NR2F6: variants seen among roughly 807,000 people sequenced by gnomAD.
The protein encoded by NR2F6 is nuclear receptor subfamily 2 group F member 6.
NR2F6 carries 16 observed loss-of-function variants against 26.5 expected under a neutral mutation model. The observed-to-expected ratio is 0.60, with a 90% CI of 0.41 to 0.92. The LOEUF (loss-of-function observed/expected upper bound fraction) is 0.92, where lower values mean the gene tolerates loss of function less well. Among genes scored for constraint, NR2F6 ranks in the 40% least tolerant of loss-of-function variants. The probability of loss-of-function intolerance (pLI) is 0.00; values close to 1 mark genes in which losing one functional copy is unlikely to be tolerated. For synonymous variants in NR2F6, 325 were observed against 305.0 expected (o/e 1.07, Z -0.68); for missense variants, 536 against 631.7 (o/e 0.85, Z 1.62).
chr19:17,236,074 G>C lies in NR2F6; in HGVS notation c.374-9C>G, dbSNP rs1415782705. The C allele has an allele frequency of 4.7e-5, 58 of 1,245,312 alleles. No homozygotes were observed. The highest frequency in any genetic ancestry group is 6.7e-5 in the African/African-American group (4 of 59,490). 77.1% of individuals were successfully genotyped at this position (1,245,312 alleles called of 1,614,324 possible). A position where few individuals can be genotyped will look rare whatever the true frequency, so the allele number is the denominator to read the frequency against. On this transcript the variant is annotated splice_polypyrimidine_tract_variant and intron_variant, in intron 2 of 3. Transcript: ENST00000291442. ...GCGGCCGCGCTGCACCGCTGCGGGA[G>C]GCGGGGACAGGAGGGACATGGGGGC...
chr19:17,234,188 A>G (rs575709555), intron 3 of NR2F6, among the ~76,000 whole-genome samples: 2 of 149,624 alleles, frequency 1.3e-5, no homozygotes, highest in African/African-American at 4.9e-5. Context: ...GTGCTACTGC[A>G]CTCCAGCCTG....
At chr19:17,238,095 G>A (rs180796066) in intron 2 of NR2F6, among the ~76,000 whole-genome samples, 264 of 152,154 alleles carry the variant, frequency 1.7e-3, no homozygotes, top group African/African-American at 5.1e-3. Context: ...AGCTATGATC[G>A]CACCACTGCA....
chr19:17,235,435 C>A lies in NR2F6; in HGVS notation c.940+64G>T. ...ATGGGGGCCGGAGTCTGGGTCCAGG[C>A]CGCCCTCCTCCTAACCTCCCTTGGG... On this transcript the variant is annotated intron_variant, in intron 3 of 3. Coordinates refer to ENST00000291442, the MANE Select transcript of NR2F6 (RefSeq NM_005234.4). The surrounding 1 kb of genome is among the most constrained non-coding windows in gnomAD (Gnocchi z 5.0). 7 of 1,524,818 alleles carry A rather than the reference C, an allele frequency of 4.6e-6. No homozygotes were observed. The highest frequency in any genetic ancestry group is 6.1e-6 in the Non-Finnish European group (7 of 1,142,130). The allele number at this position is 1,524,818 out of a possible 1,614,324, so 94.5% of individuals were successfully genotyped here.
intron 3 of NR2F6, among the ~76,000 whole-genome samples, chr19:17,233,079 G>A (rs565448882): frequency 3.8e-4 from 58 of 152,182 alleles, no homozygotes; most frequent in African/African-American, 1.2e-3. Context: ...CCTGGGAGGC[G>A]GAGGTTGCAG....
At chr19:17,233,226 AG>A (rs2073417488) in intron 3 of NR2F6, among the ~76,000 whole-genome samples, 1 of 151,950 alleles carries the variant, frequency 6.6e-6, no homozygotes, top group Non-Finnish European at 1.5e-5. Flanking sequence ...CTGAGGTGGG[AG>A]GATCTCTTGA....
chr19:17,243,717 C>T (rs1463653590), intron 1 of NR2F6, among the ~76,000 whole-genome samples: 3 of 152,332 alleles, frequency 2.0e-5, no homozygotes, highest in Middle Eastern at 6.8e-3. Context: ...CCCTCGGGTA[C>T]CTGGGGCCCT....
intron 3 of NR2F6, among the ~76,000 whole-genome samples, chr19:17,233,500 G>A (rs568058853): frequency 1.3e-5 from 2 of 152,144 alleles, no homozygotes; most frequent in Admixed American, 1.3e-4. Flanking sequence ...CAGGGAGACA[G>A]GTTCTAATTT....
Position 17,235,467 on chromosome 19 carries a change from C to T in NR2F6, c.940+32G>A. 1.3e-6 allele frequency: 2 copies of T among 1,549,522 alleles called. No individual in the cohort carries two copies. Among genetic ancestry groups the T allele is most frequent in the Non-Finnish European group, 1.7e-6 (2 of 1,153,824 alleles). On this transcript the variant is annotated intron_variant, in intron 3 of 3. Coordinates refer to ENST00000291442, the MANE Select transcript of NR2F6 (RefSeq NM_005234.4). The surrounding 1 kb of genome is among the most constrained non-coding windows in gnomAD (Gnocchi z 5.0). Reference sequence around the variant, plus strand: ...CCTCCTAACCTCCCTTGGGTCCCCCCATCCCGCGGCCCTCTTCGGAGCGTG... The same window carrying T: ...CCTCCTAACCTCCCTTGGGTCCCCCTATCCCGCGGCCCTCTTCGGAGCGTG...
At chr19:17,243,173 C>T (rs1415478124) in intron 1 of NR2F6, among the ~76,000 whole-genome samples, 1 of 152,198 alleles carries the variant, frequency 6.6e-6, no homozygotes, top group Non-Finnish European at 1.5e-5. Context: ...CTCATGTCCC[C>T]TAGCCTCCTC....
intron 2 of NR2F6, among the ~76,000 whole-genome samples, chr19:17,239,776 A>G (rs2073459512): frequency 6.6e-6 from 1 of 151,990 alleles, no homozygotes. Context: ...CTGAGATCAC[A>G]CCACTGCACT....
chr19:17,234,254 CAATA>C (rs1305441823), intron 3 of NR2F6, among the ~76,000 whole-genome samples: 3 of 150,520 alleles, frequency 2.0e-5, no homozygotes, highest in Non-Finnish European at 3.0e-5. Flanking sequence ...TCTGGGAAAA[CAATA>C]AATAAAGCCA....
At chr19:17,240,789 C>A in intron 1 of NR2F6, 24 bp from the exon 2 acceptor site, 1 of 1,610,052 alleles carries the variant, frequency 6.2e-7, no homozygotes, top group East Asian at 2.2e-5. Context: ...GAAGCCAGGG[C>A]TCCCTGAGAC....
rs773194784 is a variant in NR2F6, at chr19:17,235,589, C to T, written c.850G>A (p.Ala284Thr). The change falls in exon 3 of 4, where the codon GCC becomes ACC. Residue 284 changes from alanine to threonine, a missense_variant. By Grantham distance (58) the Ala-to-Thr change is moderately conservative (BLOSUM62 0). Transcript: ENST00000291442. This position sits in a 1 kb window ranked among gnomAD's most constrained non-coding sequence, Gnocchi z 5.0. ...AGCTTGTCCACCTGCTCCTGGAAGG[C>T]GCGCACCTGGTCCATGAAAGCCACG... ...RAVAFMDQVR[A>T]FQEQVDKLGR... is the part of the protein sequence containing the mutation. 2.5e-6 allele frequency: 4 copies of T among 1,586,862 alleles called. No individual in the cohort carries two copies. Among genetic ancestry groups the T allele is most frequent in the African/African-American group, 1.3e-5 (1 of 74,432 alleles).
intron 1 of NR2F6, among the ~76,000 whole-genome samples, chr19:17,243,053 C>T (rs191990253): frequency 3.6e-3 from 555 of 152,308 alleles, no homozygotes; most frequent in Non-Finnish European, 6.8e-3. Context: ...GCTGCACAGT[C>T]CCCCTCTTAC....
At position 17,240,696 on chromosome 19, in the gene NR2F6, G is replaced by A; in HGVS notation, c.348C>T (p.Cys116=). The change falls in exon 2 of 4, where the codon TGC becomes TGT. Residue 116 remains cysteine (C), a synonymous_variant. Coordinates refer to ENST00000291442, the MANE Select transcript of NR2F6 (RefSeq NM_005234.4). ...CCTCCTTCCTCATGCCCACCCGGAA[G>A]CACTTCTTGAGACGGCAGTACTGGC... is the stretch of plus-strand genomic sequence containing the variant. ...NQCQYCRLKK[C]FRVGMRKEAV... The A allele has an allele frequency of 1.2e-6, 2 of 1,614,220 alleles. No individual in the cohort carries two copies. The highest frequency in any genetic ancestry group is 2.2e-5 in the South Asian group (2 of 91,090).
chr19:17,239,074 C>CA (rs1324589023), intron 2 of NR2F6, among the ~76,000 whole-genome samples: 1 of 152,086 alleles, frequency 6.6e-6, no homozygotes, highest in Non-Finnish European at 1.5e-5. Flanking sequence ...CGCGGTGACT[C>CA]ACGCCTGTAA....
chr19:17,238,274 C>A lies in NR2F6; in HGVS notation c.374-2209G>T, dbSNP rs191867520. Among the ~76,000 whole-genome samples, 44 of 152,292 alleles carry A rather than the reference C, an allele frequency of 2.9e-4. No individual in the cohort carries two copies. In the Middle Eastern group the frequency reaches 0.014, roughly 47 times the overall value. On this transcript the variant is annotated intron_variant, in intron 2 of 3. Coordinates refer to ENST00000291442, the MANE Select transcript of NR2F6 (RefSeq NM_005234.4). ...ACTGTGTACCAAGCCCTGGTCTAGG[C>A]GCTGGGGAACAAGACAGACAAAAAT... is the stretch of plus-strand genomic sequence containing the variant.
At chr19:17,236,093 TG>T (rs2073436039) in intron 2 of NR2F6, 28 bp from the exon 3 acceptor site, 3 of 236,064 alleles carry the variant, frequency 1.3e-5, no homozygotes, top group Non-Finnish European at 1.5e-5. Context: ...AGGAGGGACA[TG>T]GGGGCGGGAG....
chr19:17,242,756 G>A (rs2073476567), intron 1 of NR2F6, among the ~76,000 whole-genome samples: 1 of 152,210 alleles, frequency 6.6e-6, no homozygotes, highest in Non-Finnish European at 1.5e-5. Flanking sequence ...CAGCTCAGGG[G>A]CCCCTGACCT....
Sources: allele counts gnomAD v4.1 joint callset (sites outside exome capture counted in the v4.1 genomes callset), GRCh38; gene constraint gnomAD v4.1.1; non-coding constraint Gnocchi (gnomAD v3.1); transcripts MANE v1.5; gene names NCBI Gene and HGNC (gene_info 2026-07-23, HGNC 2026-07-21).